Variants in KAZN observed in about 807,000 individuals in gnomAD.
The protein encoded by KAZN is kazrin.
KAZN carries 40 observed loss-of-function variants against 87.4 expected under a neutral mutation model. The ratio of observed to expected loss-of-function variants is 0.46; its 90% confidence interval spans 0.36 to 0.60. KAZN has a LOEUF of 0.60. KAZN is among the 20% of genes least tolerant of loss of function. KAZN has a pLI of 0.00. For synonymous variants in KAZN, 466 were observed against 458.3 expected, an observed-to-expected ratio of 1.02 and a Z score of -0.22; for missense variants, 898 against 1,073.9, an observed-to-expected ratio of 0.84 and a Z score of 2.29.
chr1:14,837,550 ATTTT>A (rs1164233693), intron 1 of KAZN, among the ~76,000 whole-genome samples: 5 of 117,710 alleles, frequency 4.2e-5, no homozygotes, highest in Admixed American at 9.2e-5. Flanking sequence ...TAGCTGTATA[ATTTT>A]TTTTTTTTTT....
intron 2 of KAZN, among the ~76,000 whole-genome samples, chr1:14,472,195 C>G (rs748795684): frequency 5.9e-5 from 9 of 152,188 alleles, no homozygotes; most frequent in Non-Finnish European, 1.3e-4. Flanking sequence ...TGAAAGGCCC[C>G]ACCTGTACTA....
chr1:14,742,759 G>T (rs1644144474), intron 1 of KAZN, among the ~76,000 whole-genome samples: 1 of 152,212 alleles, frequency 6.6e-6, no homozygotes, highest in Admixed American at 6.5e-5. Flanking sequence ...GTTGAGCACA[G>T]TTCAAAACCC....
At position 13,915,470 on chromosome 1, in the gene KAZN, T is replaced by G. The variant is rs1243652245; in HGVS notation, c.91+21714T>G. On this transcript the variant is annotated intron_variant, in intron 1 of 16. Transcript: ENST00000636203. ...GCAATAGCAAAAATGCTTGGGCACT[T>G]TGGGGCCCATGAACGTCATAATATG... is the stretch of plus-strand genomic sequence containing the variant. Among the ~76,000 whole-genome samples, 10 of 152,328 alleles carry G rather than the reference T, an allele frequency of 6.6e-5. No individual in the cohort carries two copies. In the East Asian group the frequency reaches 1.9e-3, roughly 29 times the overall value.
intron 2 of KAZN, among the ~76,000 whole-genome samples, chr1:14,297,635 C>T (rs1654228567): frequency 6.6e-6 from 1 of 152,102 alleles, no homozygotes; most frequent in Non-Finnish European, 1.5e-5. Flanking sequence ...CCACCATCCA[C>T]CCTAGGGGAT....
chr1:14,744,014 T>C (rs1176817821), intron 1 of KAZN, among the ~76,000 whole-genome samples: 1 of 151,938 alleles, frequency 6.6e-6, no homozygotes, highest in African/African-American at 2.4e-5. Flanking sequence ...CAAAAACCAC[T>C]CTTGGCTACT....
intron 1 of KAZN, among the ~76,000 whole-genome samples, chr1:14,933,597 C>G: frequency 6.8e-6 from 1 of 147,586 alleles, no homozygotes; most frequent in South Asian, 2.1e-4. Flanking sequence ...TAATTAAAAT[C>G]AGCACCTTGA....
intron 2 of KAZN, among the ~76,000 whole-genome samples, chr1:14,290,558 G>C (rs570874474): frequency 1.3e-5 from 2 of 152,096 alleles, no homozygotes; most frequent in Non-Finnish European, 2.9e-5. Flanking sequence ...TACACTGTTT[G>C]TTCTAGTTAG....
chr1:14,771,381 C>T, intron 1 of KAZN, among the ~76,000 whole-genome samples: 1 of 152,098 alleles, frequency 6.6e-6, no homozygotes, highest in South Asian at 2.1e-4. Flanking sequence ...TCTAAGATGA[C>T]AAAAATATTT....
At chr1:14,914,342 C>T (rs1201472204) in intron 1 of KAZN, among the ~76,000 whole-genome samples, 1 of 152,194 alleles carries the variant, frequency 6.6e-6, no homozygotes, top group African/African-American at 2.4e-5. Context: ...CATTTCTCAC[C>T]CACCAACAGG....
rs61283004 is a variant in KAZN at position 14,854,459 on chromosome 1, A to G, written c.227-106225A>G. On this transcript the variant is annotated intron_variant, in intron 1 of 14. Transcript: ENST00000376030. ...GTTTTGCAGGCTGAGAAGTTCAAGG[A>G]CATGACCCTGGCTTCTGGTGAGGAC... is the stretch of plus-strand genomic sequence containing the variant. 3.3e-5 allele frequency among the ~76,000 whole-genome samples: 5 copies of G among 152,306 alleles called. No individual in the cohort carries two copies. The East Asian group carries it at 9.7e-4, about 29-fold the overall frequency.
chr1:14,277,613 A>C (rs1652476419), intron 2 of KAZN, among the ~76,000 whole-genome samples: 1 of 151,682 alleles, frequency 6.6e-6, no homozygotes, highest in Non-Finnish European at 1.5e-5. Flanking sequence ...CAGTGAGCCA[A>C]GATCGTGCCA....
intron 1 of KAZN, among the ~76,000 whole-genome samples, chr1:14,741,555 T>G (rs183367906): frequency 1.1e-3 from 169 of 152,358 alleles, no homozygotes; most frequent in African/African-American, 3.9e-3. Context: ...ATTGAAAAGG[T>G]CAGGATAGCG....
At chr1:14,848,861 G>A (rs539459394) in intron 1 of KAZN, among the ~76,000 whole-genome samples, 2 of 152,306 alleles carry the variant, frequency 1.3e-5, no homozygotes, top group African/African-American at 4.8e-5. Flanking sequence ...GTAGCGTAGC[G>A]TGTCCTGGGA....
intron 1 of KAZN, among the ~76,000 whole-genome samples, chr1:13,975,073 G>A (rs151132052): frequency 1.3e-5 from 2 of 152,150 alleles, no homozygotes; most frequent in East Asian, 3.9e-4. Flanking sequence ...CTGGATTTTG[G>A]GTGTAGAGTG....
At chr1:14,754,199 G>T (rs1254997979) in intron 1 of KAZN, among the ~76,000 whole-genome samples, 1 of 152,238 alleles carries the variant, frequency 6.6e-6, no homozygotes, top group African/African-American at 2.4e-5. Context: ...CCCACCCTGG[G>T]CTTTCTGCCC....
intron 2 of KAZN, among the ~76,000 whole-genome samples, chr1:14,504,397 C>G (rs532437893): frequency 6.6e-6 from 1 of 152,188 alleles, no homozygotes; most frequent in African/African-American, 2.4e-5. Flanking sequence ...CAAGTGAAAA[C>G]TAGCATAATG....
In KAZN at chr1:14,660,747, A is replaced by G. The variant is rs532469096; in HGVS notation, c.226+61524A>G. 2.4e-4 allele frequency among the ~76,000 whole-genome samples: 37 copies of G among 151,274 alleles called. No individual in the cohort carries two copies. In the South Asian group the frequency reaches 3.4e-3, roughly 14 times the overall value. Reference sequence around the variant, plus strand: ...TTATGTACTAGCAATCTCCACTCCCACTCCACAGCGAAATAACCAGGCGGC... The same window carrying G: ...TTATGTACTAGCAATCTCCACTCCCGCTCCACAGCGAAATAACCAGGCGGC... On this transcript the variant is annotated intron_variant, in intron 1 of 14. Coordinates refer to ENST00000376030, the MANE Select transcript of KAZN (RefSeq NM_201628.3).
chr1:14,733,706 G>C (rs1643786392), intron 1 of KAZN, among the ~76,000 whole-genome samples: 1 of 152,180 alleles, frequency 6.6e-6, no homozygotes, highest in Non-Finnish European at 1.5e-5. Flanking sequence ...ATGTGTCTGA[G>C]TCATCAAAGC....
rs148448297 is a variant in KAZN, at chr1:14,520,626, G to T, written c.250-78357G>T. ...GGGGGCAGAGGCTCTGAGGAGCCCA[G>T]GCAAGAGCTCAGCACAGCTTTGCTA... On this transcript the variant is annotated intron_variant, in intron 2 of 16. Coordinates refer to the KAZN transcript ENST00000636203. 2.9e-3 allele frequency among the ~76,000 whole-genome samples: 448 copies of T among 152,302 alleles called. 2 individuals carry two copies. The highest frequency in any genetic ancestry group is 0.01 in the African/African-American group (436 of 41,576).
Sources: gnomAD v4.1 joint callset for allele counts (sites outside exome capture counted in the v4.1 genomes callset) on GRCh38, gnomAD v4.1.1 for gene constraint, MANE v1.5 for transcripts, NCBI Gene and HGNC (gene_info 2026-07-23, HGNC 2026-07-21) for gene names.